ZC3H13: variants seen among roughly 807,000 people sequenced by gnomAD.
ZC3H13 encodes the protein zinc finger CCCH domain-containing protein 13.
ZC3H13 carries 64 observed loss-of-function variants against 204.1 expected under a neutral mutation model. The observed-to-expected ratio is 0.31, with a 90% confidence interval of 0.26 to 0.39. The LOEUF (loss-of-function observed/expected upper bound fraction) is 0.39. Among genes scored for constraint, ZC3H13 ranks in the 10% least tolerant of loss-of-function variants. ZC3H13 has a pLI of 1.00. For synonymous variants in ZC3H13, 667 were observed against 693.7 expected, an observed-to-expected ratio of 0.96 and a Z score of 0.60; for missense variants, 1,833 against 2,082.7, an observed-to-expected ratio of 0.88 and a Z score of 2.33.
intron 4 of ZC3H13, among the ~76,000 whole-genome samples, chr13:46,040,254 T>C (rs2043483716): frequency 6.6e-6 from 1 of 152,164 alleles, no homozygotes; most frequent in South Asian, 2.1e-4. Context: ...GTCAGGGCTT[T>C]TTTACCATGG....
intron 9 of ZC3H13, among the ~76,000 whole-genome samples, chr13:45,986,822 T>C (rs1424251974): frequency 6.6e-6 from 1 of 152,208 alleles, no homozygotes; most frequent in East Asian, 1.9e-4. Context: ...CCTTTTCTCT[T>C]TGTCCCTAAT....
intron 14 of ZC3H13, 22 bp from the exon 15 acceptor site, chr13:45,968,050 TAA>T: frequency 1.3e-6 from 2 of 1,540,894 alleles, no homozygotes; most frequent in Non-Finnish European, 1.7e-6. Context: ...ATACCATATA[TAA>T]AGAGTTATTA....
At chr13:46,021,848 T>G (rs1261838157) in intron 4 of ZC3H13, among the ~76,000 whole-genome samples, 1 of 151,830 alleles carries the variant, frequency 6.6e-6, no homozygotes, top group East Asian at 1.9e-4. Flanking sequence ...CTATCCTACA[T>G]CCCAAACAAT....
chr13:46,032,591 T>C lies in ZC3H13; in HGVS notation c.339+9573A>G, dbSNP rs544964614. ...GCTGGCAACAATGCAAATGTCATTATGTAGTAAGATTATGTAGGCATTTAC... is the reference window on the plus strand; with the variant it reads ...GCTGGCAACAATGCAAATGTCATTACGTAGTAAGATTATGTAGGCATTTAC... On this transcript the variant is annotated intron_variant, in intron 4 of 18. Transcript: ENST00000679008. Among the ~76,000 whole-genome samples, 23 of 152,326 alleles carry C rather than the reference T, an allele frequency of 1.5e-4. No homozygotes were observed. In the East Asian group the frequency reaches 4.4e-3, roughly 29 times the overall value.
intron 1 of ZC3H13, among the ~76,000 whole-genome samples, chr13:46,047,832 TAAAC>T (rs1417815325): frequency 2.0e-5 from 3 of 152,186 alleles, no homozygotes; most frequent in African/African-American, 7.2e-5. Flanking sequence ...CATTTCTTAA[TAAAC>T]AAAATTGAAT....
Position 45,973,468 on chromosome 13 carries a change from A to G in ZC3H13, c.2468+1815T>C, listed in dbSNP as rs117228085. On this transcript the variant is annotated intron_variant, in intron 12 of 18. Coordinates refer to ENST00000679008, the MANE Select transcript of ZC3H13 (RefSeq NM_001330564.2). ...GAAAAACTTTTGCTATTATAAGCAG[A>G]TATCAGAAGCATGAAAAAAATACAG... 1.6e-4 allele frequency among the ~76,000 whole-genome samples: 25 copies of G among 152,308 alleles called. 1 individual carries two copies. In the East Asian group the frequency reaches 4.8e-3, roughly 29 times the overall value.
At chr13:45,967,438 T>C (rs1322907465) in intron 15 of ZC3H13, 66 bp downstream of exon 15, 7 of 1,480,024 alleles carry the variant, frequency 4.7e-6, no homozygotes, top group Non-Finnish European at 6.3e-6. Flanking sequence ...CAAAAGAAAA[T>C]AGTTGTTTCC....
intron 8 of ZC3H13, among the ~76,000 whole-genome samples, chr13:45,991,351 CTT>C: frequency 6.6e-6 from 1 of 152,290 alleles, no homozygotes; most frequent in South Asian, 2.1e-4. Context: ...AAACTTCAAA[CTT>C]AGGATAATCG....
chr13:46,029,032 T>C (rs977044378), intron 4 of ZC3H13, among the ~76,000 whole-genome samples: 2 of 151,978 alleles, frequency 1.3e-5, no homozygotes. Flanking sequence ...TTTGAAAAGA[T>C]CAATAAAATT....
At chr13:45,985,785 A>C in intron 9 of ZC3H13, 24 bp from the exon 10 acceptor site, 1 of 1,557,450 alleles carries the variant, frequency 6.4e-7, no homozygotes. Context: ...TTGGAAATTG[A>C]CTGTAATTGC....
intron 1 of ZC3H13, among the ~76,000 whole-genome samples, chr13:46,048,667 ACCT>A (rs2044176952): frequency 6.7e-6 from 1 of 149,190 alleles, no homozygotes; most frequent in East Asian, 2.0e-4. Flanking sequence ...CTAATGATCC[ACCT>A]CCTCACCTCC....
In ZC3H13 at chr13:45,988,802, G is replaced by A. The variant is rs2039750470; in HGVS notation, c.1240C>T (p.His414Tyr). 3 of 1,612,240 alleles carry A rather than the reference G, an allele frequency of 1.9e-6. No individual in the cohort carries two copies. The highest frequency in any genetic ancestry group is 2.5e-6 in the Non-Finnish European group (3 of 1,178,606). The change falls in exon 9 of 19, where the codon CAT becomes TAT. Residue 414 changes from histidine to tyrosine, a missense_variant. Physicochemically the swap from His to Tyr is moderately conservative, Grantham distance 83 (BLOSUM62 2). Around this residue, in one of 5 missense-constraint regions of ZC3H13, gnomAD observed 1,574 missense variants for 1,757.2 expected, o/e 0.90. Transcript: ENST00000679008. ...ERTSQSHDRR[H>Y]ERREDTRGKR... ...CAGTACACACCTTCCCTCCTTTCATGGCGTCGATCATGAGACTGTGAAGTT... is the reference window on the plus strand; with the variant it reads ...CAGTACACACCTTCCCTCCTTTCATAGCGTCGATCATGAGACTGTGAAGTT...
chr13:45,962,749 AAACTTT>A, intron 17 of ZC3H13: 1 of 985,368 alleles, frequency 1.0e-6, no homozygotes, highest in African/African-American at 1.7e-5. Context: ...AATACTAACT[AAACTTT>A]TATGTCCAGG....
chr13:46,034,307 C>G (rs942471152), intron 4 of ZC3H13, among the ~76,000 whole-genome samples: 1 of 152,104 alleles, frequency 6.6e-6, no homozygotes, highest in African/African-American at 2.4e-5. Flanking sequence ...CAAAAGAAAA[C>G]TTTTCCACAC....
intron 4 of ZC3H13, among the ~76,000 whole-genome samples, chr13:46,022,294 G>A (rs1360710004): frequency 1.3e-4 from 19 of 151,958 alleles, no homozygotes; most frequent in Admixed American, 1.2e-3. Flanking sequence ...GGAATTTCAA[G>A]TTCTTACCTC....
intron 8 of ZC3H13, among the ~76,000 whole-genome samples, chr13:45,999,055 T>C (rs771782856): frequency 1.9e-4 from 29 of 152,166 alleles, no homozygotes; most frequent in East Asian, 7.7e-4. Context: ...CTGGACAACA[T>C]AGCGAGACCT....
intron 1 of ZC3H13, among the ~76,000 whole-genome samples, chr13:46,046,610 G>A (rs2043982304): frequency 6.6e-6 from 1 of 151,418 alleles, no homozygotes; most frequent in Non-Finnish European, 1.5e-5. Flanking sequence ...AGAGCTTGCA[G>A]TGAGCCGAGA....
chr13:45,959,100 G>A (rs1432549126), intron 18 of ZC3H13, among the ~76,000 whole-genome samples: 2 of 151,846 alleles, frequency 1.3e-5, no homozygotes, highest in African/African-American at 4.8e-5. Flanking sequence ...ATATAGAGTC[G>A]CTTTATTTCC....
chr13:45,985,840 C>G (rs2138204654), intron 9 of ZC3H13, 79 bp from the exon 10 acceptor site: 1 of 1,295,074 alleles, frequency 7.7e-7, no homozygotes, highest in South Asian at 1.5e-5. Flanking sequence ...TAATACAGAA[C>G]TTTAAAAATT....
Sources: gnomAD v4.1 joint callset for allele counts (sites outside exome capture counted in the v4.1 genomes callset) on GRCh38, gnomAD v4.1.1 for gene constraint, gnomAD v4.1.1 regional missense constraint, MANE v1.5 for transcripts, NCBI Gene and HGNC (gene_info 2026-07-23, HGNC 2026-07-21) for gene names.